AP3M1: variants seen among roughly 807,000 people sequenced by gnomAD.
The protein encoded by AP3M1 is AP-3 complex subunit mu-1.
Under a neutral mutation model 42.6 loss-of-function variants are expected in AP3M1, and 29 were observed. The ratio of observed to expected loss-of-function variants is 0.68; its 90% CI spans 0.51 to 0.93. AP3M1 has a LOEUF of 0.93. AP3M1 is among the 40% of genes least tolerant of loss of function. The probability of loss-of-function intolerance (pLI) is 0.00; values close to 1 mark genes in which losing one functional copy is unlikely to be tolerated. For synonymous variants in AP3M1, 178 were observed against 175.3 expected (o/e 1.02, Z -0.12); for missense variants, 416 against 510.2 (o/e 0.82, Z 1.78).
Position 74,121,181 on chromosome 10 carries a change from G to C in AP3M1, c.*2629C>G, listed in dbSNP as rs941748045. On this transcript the variant is annotated 3_prime_UTR_variant, in exon 9 of 9. Transcript: ENST00000355264. ...TACTGAATTAGCAGTTTCTAAAACT[G>C]TCTTGTTTTTGCCATTTACCATATG... 2 of 152,182 alleles carry C rather than the reference G, an allele frequency of 1.3e-5. No homozygotes were observed. Among genetic ancestry groups the C allele is most frequent in the Non-Finnish European group, 2.9e-5 (2 of 68,030 alleles). The allele number at this position is 152,182 out of a possible 1,614,324, so 9.4% of individuals were successfully genotyped here.
chr10:74,126,180 G>C lies in AP3M1; in HGVS notation c.979C>G (p.Gln327Glu), dbSNP rs1335129143. ...ACTGGATCAAATGTATAGCTGCCTTGTGTGGGTGTCAGGTTCATGTTCAGC... is the reference window on the plus strand; with the variant it reads ...ACTGGATCAAATGTATAGCTGCCTTCTGTGGGTGTCAGGTTCATGTTCAGC... ...VVLNMNLTPT[Q>E]GSYTFDPVTK... Residue 327 changes from glutamine to glutamate, a missense_variant, in exon 7 of 9, where the codon CAA (glutamine) becomes GAA (glutamate). Gln to Glu is a conservative substitution (Grantham distance 29, BLOSUM62 2). Coordinates refer to ENST00000355264, the MANE Select transcript of AP3M1 (RefSeq NM_012095.6). 2.5e-6 allele frequency: 4 copies of C among 1,614,188 alleles called. No individual in the cohort carries two copies. Among genetic ancestry groups the C allele is most frequent in the Non-Finnish European group, 3.4e-6 (4 of 1,180,042 alleles).
At chr10:74,148,408 T>C (rs1279484888) in intron 1 of AP3M1, among the ~76,000 whole-genome samples, 3 of 152,226 alleles carry the variant, frequency 2.0e-5, no homozygotes, top group Non-Finnish European at 2.9e-5. Context: ...TCCTTCTCTG[T>C]GTAATGGGAG....
chr10:74,140,078 G>A (rs1841094203), intron 1 of AP3M1, among the ~76,000 whole-genome samples: 2 of 152,206 alleles, frequency 1.3e-5, no homozygotes, highest in South Asian at 4.1e-4. Flanking sequence ...AGGGTGCTTG[G>A]GAGCAGGGAC....
chr10:74,144,169 G>A (rs1272920281), intron 1 of AP3M1, among the ~76,000 whole-genome samples: 2 of 152,160 alleles, frequency 1.3e-5, no homozygotes, highest in Non-Finnish European at 2.9e-5. Context: ...CACCATGTTA[G>A]CCAGGATGGT....
At chr10:74,146,021 T>C (rs1338750374) in intron 1 of AP3M1, among the ~76,000 whole-genome samples, 1 of 152,164 alleles carries the variant, frequency 6.6e-6, no homozygotes, top group Non-Finnish European at 1.5e-5. Context: ...ACTGGGTATA[T>C]AAGAACAAAC....
At position 74,122,626 on chromosome 10, in the gene AP3M1, A is replaced by C. The variant is rs1840500964; in HGVS notation, c.*1184T>G. The C allele has an allele frequency of 6.6e-6, 1 of 152,168 alleles. No individual in the cohort carries two copies. Among genetic ancestry groups the C allele is most frequent in the African/African-American group, 2.4e-5 (1 of 41,432 alleles). 9.4% of individuals were successfully genotyped at this position (152,168 alleles called of 1,614,324 possible). A position where few individuals can be genotyped will look rare whatever the true frequency, so the allele number is the denominator to read the frequency against. ...AGGATTTTGTTTCTGCCTCATTATA[A>C]CTCACTTCCATGTATTTTGTCAGTA... On this transcript the variant is annotated 3_prime_UTR_variant, in exon 9 of 9. Transcript: ENST00000355264.
At chr10:74,140,438 T>G (rs1343485367) in intron 1 of AP3M1, among the ~76,000 whole-genome samples, 2 of 152,212 alleles carry the variant, frequency 1.3e-5, no homozygotes, top group Non-Finnish European at 2.9e-5. Flanking sequence ...AAGCTTTTCA[T>G]TTTGAAATAC....
intron 6 of AP3M1, 78 bp downstream of exon 6, chr10:74,129,030 A>T (rs1564545094): frequency 4.5e-6 from 7 of 1,561,250 alleles, no homozygotes; most frequent in Non-Finnish European, 4.4e-6. Context: ...CAAGTACTCA[A>T]CTTTCAGAAA....
chr10:74,134,281 G>A (rs1412853298), intron 3 of AP3M1, 117 bp from the exon 4 acceptor site: 4 of 1,098,460 alleles, frequency 3.6e-6, no homozygotes, highest in Non-Finnish European at 3.8e-6. Flanking sequence ...ATGAAGTTGT[G>A]GATGGTCACT....
At chr10:74,132,299 A>T (rs892228893) in intron 4 of AP3M1, among the ~76,000 whole-genome samples, 4 of 152,106 alleles carry the variant, frequency 2.6e-5, no homozygotes, top group African/African-American at 9.7e-5. Flanking sequence ...CGGCCTCCCA[A>T]AGTGCTGGAA....
intron 1 of AP3M1, among the ~76,000 whole-genome samples, chr10:74,148,491 G>A (rs903698400): frequency 1.3e-5 from 2 of 152,168 alleles, no homozygotes; most frequent in Non-Finnish European, 2.9e-5. Context: ...AATTGACACA[G>A]TACTGAGCTA....
intron 1 of AP3M1, among the ~76,000 whole-genome samples, chr10:74,145,056 A>G (rs1841288696): frequency 6.6e-6 from 1 of 152,228 alleles, no homozygotes; most frequent in Admixed American, 6.5e-5. Flanking sequence ...AGTTTAATAA[A>G]TTATTTAGAG....
In AP3M1 at chr10:74,121,517, G is replaced by C. The variant is rs879483046; in HGVS notation, c.*2293C>G. 6.6e-6 allele frequency: 1 copy of C among 152,232 alleles called. No individual in the cohort carries two copies. The highest frequency in any genetic ancestry group is 1.5e-5 in the Non-Finnish European group (1 of 68,036). 9.4% of individuals were successfully genotyped at this position (152,232 alleles called of 1,614,324 possible). A position where few individuals can be genotyped will look rare whatever the true frequency, so the allele number is the denominator to read the frequency against. ...TCTTTGTTATCAGTAGGTGGTGGTA[G>C]TGATAGGGAAGGGAGCTTTGATCAC... On this transcript the variant is annotated 3_prime_UTR_variant, in exon 9 of 9. Coordinates refer to ENST00000355264, the MANE Select transcript of AP3M1 (RefSeq NM_012095.6).
At chr10:74,140,638 A>G (rs1039492268) in intron 1 of AP3M1, among the ~76,000 whole-genome samples, 1 of 152,142 alleles carries the variant, frequency 6.6e-6, no homozygotes, top group Non-Finnish European at 1.5e-5. Flanking sequence ...GAAGATGGAT[A>G]ACTCGTGCTT....
rs1840430006 is a variant in AP3M1 at position 74,120,896 on chromosome 10, A to AGAGT, written c.*2910_*2913dup. ...CAGGGATCCACCAGGGCTATAAAAC[A>AGAGT]GAGTTAGCTTTTGGGGACATAGTCC... On this transcript the variant is annotated 3_prime_UTR_variant, in exon 9 of 9. Transcript: ENST00000355264. 1 of 152,198 alleles carries AGAGT rather than the reference A, an allele frequency of 6.6e-6. No individual in the cohort carries two copies. The highest frequency in any genetic ancestry group is 2.4e-5 in the African/African-American group (1 of 41,422). 9.4% of individuals were successfully genotyped at this position (152,198 alleles called of 1,614,324 possible).
chr10:74,138,071 G>T (rs928553384), intron 2 of AP3M1, 36 bp downstream of exon 2: 2 of 1,586,442 alleles, frequency 1.3e-6, no homozygotes, highest in African/African-American at 1.4e-5. Flanking sequence ...GCTAACTTGG[G>T]TCATTTAACT....
At chr10:74,136,309 T>C (rs1840940205) in intron 3 of AP3M1, among the ~76,000 whole-genome samples, 1 of 152,162 alleles carries the variant, frequency 6.6e-6, no homozygotes, top group Non-Finnish European at 1.5e-5. Context: ...CTAAATTCTC[T>C]TCTAAGTGGG....
rs186330416 is a variant in AP3M1, at chr10:74,129,601, G to A, written c.669+306C>T. On this transcript the variant is annotated intron_variant, in intron 5 of 8. Transcript: ENST00000355264. Reference sequence around the variant, plus strand: ...ATGCTGACTCTAAAATGATACAAAAGACCAGTGTCCTTTCATATCAGCAAA... The same window carrying A: ...ATGCTGACTCTAAAATGATACAAAAAACCAGTGTCCTTTCATATCAGCAAA... 2.0e-5 allele frequency among the ~76,000 whole-genome samples: 3 copies of A among 152,244 alleles called. No homozygotes were observed. In the East Asian group the frequency reaches 5.8e-4, roughly 29 times the overall value.
rs1340325528 is a variant in AP3M1, at chr10:74,120,485, A to G, written c.*3325T>C. 1 of 152,226 alleles carries G rather than the reference A, an allele frequency of 6.6e-6. No individual in the cohort carries two copies. The highest frequency in any genetic ancestry group is 1.5e-5 in the Non-Finnish European group (1 of 68,042). The allele number at this position is 152,226 out of a possible 1,614,324, so 9.4% of individuals were successfully genotyped here. On this transcript the variant is annotated 3_prime_UTR_variant, in exon 9 of 9. Coordinates refer to ENST00000355264, the MANE Select transcript of AP3M1 (RefSeq NM_012095.6). ...TGGAGACCACCACTGTTCCCCGAAA[A>G]GCTAAAGTTGTTAAGTTTGTAGGAG... is the stretch of plus-strand genomic sequence containing the variant.
Sources: gnomAD v4.1 joint callset for allele counts (sites outside exome capture counted in the v4.1 genomes callset) on GRCh38, gnomAD v4.1.1 for gene constraint, MANE v1.5 for transcripts, NCBI Gene and HGNC (gene_info 2026-07-23, HGNC 2026-07-21) for gene names.